Variants in HCN1 observed in about 807,000 individuals in gnomAD.
The protein encoded by HCN1 is hyperpolarization activated cyclic nucleotide gated potassium channel 1.
A neutral mutation model predicts 78.9 loss-of-function variants in HCN1; 13 were observed. The ratio of observed to expected loss-of-function variants is 0.16; its 90% CI spans 0.11 to 0.26. The LOEUF (loss-of-function observed/expected upper bound fraction) is 0.26. Ranked by LOEUF, HCN1 falls within the 10% of genes least tolerant of loss-of-function variation. HCN1 has a pLI of 1.00. For synonymous variants in HCN1, 552 were observed against 455.5 expected, an observed-to-expected ratio of 1.21 and a Z score of -2.70; for missense variants, 810 against 1,154.3, an observed-to-expected ratio of 0.70 and a Z score of 4.32.
chr5:45,418,068 A>ATAATAAAG (rs796849324), intron 3 of HCN1, among the ~76,000 whole-genome samples: 94 of 152,120 alleles, frequency 6.2e-4, no homozygotes, highest in African/African-American at 1.9e-3. Flanking sequence ...AGTACCTAAA[A>ATAATAAAG]TAATAAAGTG....
rs1561078885 is a variant in HCN1 at position 45,262,049 on chromosome 5, C to A, written c.2545G>T (p.Ala849Ser). The change falls in exon 8 of 8, where the codon GCC becomes TCC. Residue 849 changes from alanine to serine, a missense_variant. This residue lies in a region of HCN1 where 398 missense variants were observed against 381.3 expected (regional missense o/e 1.04). Transcript: ENST00000303230. ...VTLFRQMSSGAIPPNRGVPPA... is the reference protein window; with the variant it reads ...VTLFRQMSSGSIPPNRGVPPA... ...GGGACTCCTCGGTTCGGGGGGATGG[C>A]TCCCGACGACATCTGTCGGAAGAGG... The A allele has an allele frequency of 1.2e-6, 2 of 1,613,964 alleles. No homozygotes were observed. Among genetic ancestry groups the A allele is most frequent in the Non-Finnish European group, 8.5e-7 (1 of 1,180,010 alleles).
At chr5:45,614,282 C>T (rs1044045060) in intron 2 of HCN1, among the ~76,000 whole-genome samples, 3 of 152,222 alleles carry the variant, frequency 2.0e-5, no homozygotes, top group Non-Finnish European at 4.4e-5. Context: ...TCCTGTTATA[C>T]ATAACTATTT....
At chr5:45,419,017 T>C (rs1032137250) in intron 3 of HCN1, among the ~76,000 whole-genome samples, 4 of 152,120 alleles carry the variant, frequency 2.6e-5, no homozygotes, top group Non-Finnish European at 5.9e-5. Flanking sequence ...CCGCTTTGTG[T>C]TAGAAATCAT....
chr5:45,348,257 A>G (rs1746794519), intron 5 of HCN1, among the ~76,000 whole-genome samples: 1 of 152,178 alleles, frequency 6.6e-6, no homozygotes, highest in African/African-American at 2.4e-5. Context: ...TTTCATATCC[A>G]GCCAAGCTAA....
At chr5:45,537,925 A>G (rs1032149597) in intron 2 of HCN1, among the ~76,000 whole-genome samples, 10 of 152,056 alleles carry the variant, frequency 6.6e-5, no homozygotes, top group African/African-American at 2.4e-4. Flanking sequence ...AGGTCAATGG[A>G]TCTTTGACAG....
At chr5:45,272,942 G>C (rs1229261896) in intron 6 of HCN1, among the ~76,000 whole-genome samples, 2 of 152,044 alleles carry the variant, frequency 1.3e-5, no homozygotes, top group Non-Finnish European at 2.9e-5. Context: ...ATACTTTCTA[G>C]AATCTGTCTG....
At chr5:45,417,739 A>G (rs1212504052) in intron 3 of HCN1, among the ~76,000 whole-genome samples, 1 of 125,856 alleles carries the variant, frequency 7.9e-6, no homozygotes, top group Non-Finnish European at 1.6e-5. Flanking sequence ...GGGTCTCATT[A>G]GTGTAGAGAG....
intron 2 of HCN1, among the ~76,000 whole-genome samples, chr5:45,595,396 G>C (rs1744469050): frequency 6.6e-6 from 1 of 152,148 alleles, no homozygotes; most frequent in African/African-American, 2.4e-5. Flanking sequence ...GAAGTGTAGT[G>C]GCACAATCTC....
intron 2 of HCN1, among the ~76,000 whole-genome samples, chr5:45,630,149 T>C (rs922315113): frequency 6.6e-6 from 1 of 152,142 alleles, no homozygotes; most frequent in Admixed American, 6.6e-5. Context: ...GCTTCCACTC[T>C]TGTTCAAATT....
intron 2 of HCN1, among the ~76,000 whole-genome samples, chr5:45,496,730 T>C (rs1391280669): frequency 6.6e-6 from 1 of 152,208 alleles, no homozygotes; most frequent in Non-Finnish European, 1.5e-5. Context: ...TTTTAGTTAT[T>C]TCTTGCCTTC....
intron 3 of HCN1, among the ~76,000 whole-genome samples, chr5:45,407,863 C>T (rs1017839370): frequency 2.6e-5 from 4 of 152,098 alleles, no homozygotes; most frequent in Non-Finnish European, 4.4e-5. Flanking sequence ...GCTACTGCTC[C>T]TGAAGACATT....
chr5:45,436,358 G>T (rs888677243), intron 3 of HCN1, among the ~76,000 whole-genome samples: 17 of 152,140 alleles, frequency 1.1e-4, no homozygotes, highest in African/African-American at 4.1e-4. Context: ...AACATCTGTT[G>T]CTTAAGGCAG....
chr5:45,504,040 C>T (rs1417288849), intron 2 of HCN1, among the ~76,000 whole-genome samples: 1 of 152,090 alleles, frequency 6.6e-6, no homozygotes, highest in Non-Finnish European at 1.5e-5. Context: ...CCCACCCAGC[C>T]TCCAAAAGTG....
intron 3 of HCN1, among the ~76,000 whole-genome samples, chr5:45,441,465 T>A (rs987926509): frequency 6.6e-6 from 1 of 152,022 alleles, no homozygotes; most frequent in Non-Finnish European, 1.5e-5. Context: ...ATTTAATACA[T>A]CCTAATCTCA....
At chr5:45,275,136 C>T (rs1444030027) in intron 6 of HCN1, among the ~76,000 whole-genome samples, 1 of 151,700 alleles carries the variant, frequency 6.6e-6, no homozygotes, top group East Asian at 1.9e-4. Flanking sequence ...ACTCCAGCTA[C>T]TTGGGAGGCT....
intron 6 of HCN1, among the ~76,000 whole-genome samples, chr5:45,286,280 T>G (rs535758970): frequency 6.6e-6 from 1 of 152,096 alleles, no homozygotes; most frequent in Admixed American, 6.6e-5. Flanking sequence ...GTTATAATAG[T>G]ACATGCACAA....
intron 5 of HCN1, among the ~76,000 whole-genome samples, chr5:45,339,475 T>G (rs927193472): frequency 6.6e-6 from 1 of 152,108 alleles, no homozygotes; most frequent in Non-Finnish European, 1.5e-5. Flanking sequence ...TAATACTCTA[T>G]AGATGAAGCA....
chr5:45,327,750 C>T (rs991080324), intron 5 of HCN1, among the ~76,000 whole-genome samples: 7 of 151,544 alleles, frequency 4.6e-5, no homozygotes, highest in Middle Eastern at 3.4e-3. Context: ...GGCTGACTGG[C>T]GTCCTTTTAT....
At chr5:45,432,139 A>T (rs1740476682) in intron 3 of HCN1, among the ~76,000 whole-genome samples, 1 of 151,672 alleles carries the variant, frequency 6.6e-6, no homozygotes, top group Admixed American at 6.6e-5. Flanking sequence ...TCTTATTGCA[A>T]TTTTTCACCT....
Sources: allele counts gnomAD v4.1 joint callset (sites outside exome capture counted in the v4.1 genomes callset), GRCh38; gene constraint gnomAD v4.1.1; regional missense constraint gnomAD v4.1.1; transcripts MANE v1.5; gene names NCBI Gene and HGNC (gene_info 2026-07-23, HGNC 2026-07-21).